Variants in PJA2 observed in about 807,000 individuals in gnomAD.
The protein encoded by PJA2 is praja ring finger ubiquitin ligase 2.
A neutral mutation model predicts 69.3 loss-of-function variants in PJA2; 25 were observed. The ratio of observed to expected loss-of-function variants is 0.36; its 90% CI spans 0.26 to 0.50. The LOEUF is 0.50. Ranked by LOEUF, PJA2 falls within the 20% of genes least tolerant of loss-of-function variation. The pLI is 0.96. For synonymous variants in PJA2, 308 were observed against 277.8 expected (o/e 1.11, Z -1.08); for missense variants, 809 against 830.2 (o/e 0.97, Z 0.31).
chr5:109,360,380 C>T (rs1204266122), intron 6 of PJA2, among the ~76,000 whole-genome samples: 1 of 152,086 alleles, frequency 6.6e-6, no homozygotes. Context: ...AGTAAACAAA[C>T]TTGATAGAGG....
At chr5:109,372,909 A>G (rs1345212825) in intron 4 of PJA2, among the ~76,000 whole-genome samples, 1 of 133,444 alleles carries the variant, frequency 7.5e-6, no homozygotes, top group Non-Finnish European at 1.6e-5. Context: ...CCGTCTCAAA[A>G]AAAAAAAAAA....
intron 4 of PJA2, among the ~76,000 whole-genome samples, chr5:109,369,689 G>C (rs563789809): frequency 6.6e-6 from 1 of 152,130 alleles, no homozygotes; most frequent in Non-Finnish European, 1.5e-5. Context: ...ATAAAAAGCA[G>C]TACTGGCAAA....
chr5:109,391,710 G>GA (rs924073506), intron 1 of PJA2, among the ~76,000 whole-genome samples: 3 of 151,130 alleles, frequency 2.0e-5, no homozygotes, highest in Admixed American at 1.3e-4. Context: ...GATTATATAT[G>GA]AAAAAAAAGG....
At position 109,342,494 on chromosome 5, in the gene PJA2, C is replaced by A. The variant is rs565312488; in HGVS notation, c.2001+1696G>T. The stretch of plus-strand genomic sequence containing the variant: ...GAGGTGGGGGGGTCAGCCCCCCGCC[C>A]GGCCAGCCACCCCGTCCGGGAGGGA... On this transcript the variant is annotated intron_variant, in intron 9 of 9. Coordinates refer to ENST00000361189, the MANE Select transcript of PJA2 (RefSeq NM_014819.5). Among the ~76,000 whole-genome samples, 43 of 130,974 alleles carry A rather than the reference C, an allele frequency of 3.3e-4. No individual in the cohort carries two copies. The East Asian group carries it at 9.6e-3, about 29-fold the overall frequency. The allele number at this position is 130,974 out of a possible 152,430, so 85.9% of individuals were successfully genotyped here.
intron 9 of PJA2, among the ~76,000 whole-genome samples, chr5:109,338,103 T>C (rs1397804624): frequency 6.6e-6 from 1 of 152,044 alleles, no homozygotes; most frequent in African/African-American, 2.4e-5. Context: ...GATTATCCCC[T>C]TGCAAATCTG....
At chr5:109,404,803 A>C (rs940854041) in intron 1 of PJA2, among the ~76,000 whole-genome samples, 4 of 152,156 alleles carry the variant, frequency 2.6e-5, no homozygotes, top group African/African-American at 9.7e-5. Flanking sequence ...TGAATTTTGG[A>C]AGGGACATAA....
chr5:109,342,828 G>T (rs1582581416), intron 9 of PJA2, among the ~76,000 whole-genome samples: 1 of 78,006 alleles, frequency 1.3e-5, no homozygotes. Flanking sequence ...CGGGAGGGAG[G>T]TTGGGGGGTC....
intron 1 of PJA2, among the ~76,000 whole-genome samples, chr5:109,401,023 G>A (rs1747532427): frequency 3.9e-5 from 6 of 151,958 alleles, no homozygotes. Context: ...AAAACCAAAT[G>A]ACACATGCCT....
At chr5:109,342,162 C>T (rs865956470) in intron 9 of PJA2, among the ~76,000 whole-genome samples, 1,032 of 65,876 alleles carry the variant, frequency 0.016, no homozygotes, top group Middle Eastern at 0.048. Context: ...GGGTCAGCCC[C>T]CCGCCCGGCC....
At chr5:109,356,452 T>C (rs947390544) in intron 6 of PJA2, among the ~76,000 whole-genome samples, 13 of 152,152 alleles carry the variant, frequency 8.5e-5, no homozygotes, top group African/African-American at 2.9e-4. Flanking sequence ...AGATGTTGAA[T>C]TTTCAAATTT....
intron 7 of PJA2, among the ~76,000 whole-genome samples, chr5:109,355,369 A>C (rs1324200357): frequency 6.6e-6 from 1 of 152,224 alleles, no homozygotes; most frequent in African/African-American, 2.4e-5. Flanking sequence ...CTTTGAACTT[A>C]GGCAAATACA....
chr5:109,376,241 T>C (rs1189669729), intron 4 of PJA2, among the ~76,000 whole-genome samples: 1 of 116,348 alleles, frequency 8.6e-6, no homozygotes, highest in African/African-American at 3.5e-5. Context: ...TTTTTTCCCA[T>C]CTATATATTG....
intron 4 of PJA2, among the ~76,000 whole-genome samples, chr5:109,375,641 A>G (rs1460902397): frequency 6.6e-6 from 1 of 152,224 alleles, no homozygotes; most frequent in Non-Finnish European, 1.5e-5. Context: ...TTTAAGCTTT[A>G]CAAAAAAACT....
chr5:109,351,498 G>A (rs1054376116), intron 7 of PJA2, among the ~76,000 whole-genome samples: 9 of 151,894 alleles, frequency 5.9e-5, no homozygotes, highest in Non-Finnish European at 1.2e-4. Flanking sequence ...TTTTTCTAGC[G>A]AAGAAGTATG....
intron 7 of PJA2, among the ~76,000 whole-genome samples, chr5:109,345,442 G>C (rs1264103866): frequency 6.7e-6 from 1 of 149,900 alleles, no homozygotes; most frequent in Non-Finnish European, 1.5e-5. Flanking sequence ...GCTTGATCCT[G>C]GGAGGCAGAG....
chr5:109,351,016 T>C (rs1463035470), intron 7 of PJA2, among the ~76,000 whole-genome samples: 1 of 151,820 alleles, frequency 6.6e-6, no homozygotes, highest in Non-Finnish European at 1.5e-5. Flanking sequence ...AATAAAAGCA[T>C]ACTTCTTACC....
chr5:109,365,510 G>A (rs1762570935), intron 5 of PJA2, among the ~76,000 whole-genome samples: 1 of 152,116 alleles, frequency 6.6e-6, no homozygotes, highest in Non-Finnish European at 1.5e-5. Context: ...GTTCAAAAAG[G>A]AAGCTGGTTA....
At chr5:109,345,402 AG>A (rs1326205073) in intron 7 of PJA2, among the ~76,000 whole-genome samples, 3 of 150,492 alleles carry the variant, frequency 2.0e-5, no homozygotes, top group African/African-American at 4.9e-5. Context: ...CTATAATCCC[AG>A]CTACTGGGGA....
chr5:109,356,040 AAAAT>A lies in PJA2; in HGVS notation c.1653-18_1653-15del. On this transcript the variant is annotated splice_polypyrimidine_tract_variant and intron_variant, in intron 6 of 9. Transcript: ENST00000361189. Reference sequence around the variant, plus strand: ...CCATCAAATAGGCTGAAAAAAAAAAAAAATAACAGAAAAAACTCACCACTATGAT... The same window carrying A: ...CCATCAAATAGGCTGAAAAAAAAAAAAACAGAAAAAACTCACCACTATGAT... 6.4e-7 allele frequency: 1 copy of A among 1,567,390 alleles called. No homozygotes were observed. Among genetic ancestry groups the A allele is most frequent in the African/African-American group, 1.4e-5 (1 of 73,236 alleles).
Sources: gnomAD v4.1 joint callset for allele counts (sites outside exome capture counted in the v4.1 genomes callset) on GRCh38, gnomAD v4.1.1 for gene constraint, MANE v1.5 for transcripts, NCBI Gene and HGNC (gene_info 2026-07-23, HGNC 2026-07-21) for gene names.